The following IPCEF1 variants were observed in gnomAD, a reference collection of about 807,000 sequenced individuals.
The protein encoded by IPCEF1 is interaction protein for cytohesin exchange factors 1.
IPCEF1 carries 31 observed loss-of-function variants against 50.9 expected under a neutral mutation model. The observed-to-expected ratio is 0.61, with a 90% CI of 0.46 to 0.82. IPCEF1 has a LOEUF of 0.82. Among genes scored for constraint, IPCEF1 ranks in the 40% least tolerant of loss-of-function variants. The pLI, the probability that IPCEF1 is intolerant of heterozygous loss-of-function variation, is 0.00. For missense variants in IPCEF1, 458 were observed against 514.0 expected, an observed-to-expected ratio of 0.89 and a Z score of 1.05; for synonymous variants, 181 against 192.0, an observed-to-expected ratio of 0.94 and a Z score of 0.47.
intron 1 of IPCEF1, among the ~76,000 whole-genome samples, chr6:154,339,722 T>C (rs1050717594): frequency 6.6e-6 from 1 of 152,136 alleles, no homozygotes; most frequent in African/African-American, 2.4e-5. Context: ...CCCCAGTAGC[T>C]GGGACTACAA....
Position 154,199,826 on chromosome 6 carries a change from G to A in IPCEF1, c.752C>T (p.Ser251Leu), listed in dbSNP as rs1326320692. ...FAVQVHSPVPSEAGIHKALEN... is the reference protein window; with the variant it reads ...FAVQVHSPVPLEAGIHKALEN... The stretch of plus-strand genomic sequence containing the variant: ...CAGGGCCTTGTGGATGCCTGCCTCT[G>A]AGGGTACAGGTGAATGAACTTGCAC... Residue 251 changes from serine to leucine, a missense_variant, in exon 10 of 12, where the codon TCA becomes TTA. By Grantham distance (145) the Ser-to-Leu change is moderately radical. Transcript: ENST00000367220. The A allele has an allele frequency of 1.2e-6, 2 of 1,614,086 alleles. No individual in the cohort carries two copies. The highest frequency in any genetic ancestry group is 2.7e-5 in the African/African-American group (2 of 74,932).
intron 5 of IPCEF1, among the ~76,000 whole-genome samples, chr6:154,239,830 A>G (rs1457900261): frequency 6.6e-6 from 1 of 152,184 alleles, no homozygotes; most frequent in Non-Finnish European, 1.5e-5. Context: ...CAGTCTCCCA[A>G]GTAGGTGGGA....
rs545931179 is a variant in IPCEF1, at chr6:154,222,975, C to T, written c.320+195G>A. The T allele has an allele frequency of 5.5e-4, 328 of 600,312 alleles. 3 individuals carry two copies. The South Asian group carries it at 6.2e-3, about 11-fold the overall frequency. The allele number at this position is 600,312 out of a possible 1,614,324, so 37.2% of individuals were successfully genotyped here. On this transcript the variant is annotated intron_variant, in intron 6 of 11. Coordinates refer to ENST00000367220, the MANE Select transcript of IPCEF1 (RefSeq NM_001130700.2). ...GTGGGGGTTTTAAAATCCATCTGCTCCACAAAACGAAATTCCAGAAAATGA... is the reference window on the plus strand; with the variant it reads ...GTGGGGGTTTTAAAATCCATCTGCTTCACAAAACGAAATTCCAGAAAATGA...
At chr6:154,294,935 A>G (rs1782603406) in intron 1 of IPCEF1, among the ~76,000 whole-genome samples, 1 of 152,214 alleles carries the variant, frequency 6.6e-6, no homozygotes, top group Admixed American at 6.5e-5. Flanking sequence ...GTGGTAACTC[A>G]TGCCTGTAAT....
chr6:154,198,905 C>T (rs1027817349), intron 10 of IPCEF1, among the ~76,000 whole-genome samples: 4 of 152,182 alleles, frequency 2.6e-5, no homozygotes, highest in Non-Finnish European at 5.9e-5. Flanking sequence ...TCTTTCACTG[C>T]TCAGTATCTT....
intron 5 of IPCEF1, among the ~76,000 whole-genome samples, chr6:154,225,041 C>T (rs1779146976): frequency 6.6e-6 from 1 of 152,158 alleles, no homozygotes; most frequent in Non-Finnish European, 1.5e-5. Flanking sequence ...TTTAGATCTA[C>T]AGACTGAGTA....
At chr6:154,354,396 A>AACCACCATCTCC (rs1253436297) in intron 1 of IPCEF1, among the ~76,000 whole-genome samples, 1 of 19,438 alleles carries the variant, frequency 5.1e-5, no homozygotes, top group African/African-American at 4.8e-4. Context: ...CGTCACCTCC[A>AACCACCATCTCC]ACCACCATCT....
chr6:154,299,431 T>C (rs1247447807), intron 1 of IPCEF1, among the ~76,000 whole-genome samples: 5 of 141,834 alleles, frequency 3.5e-5, no homozygotes, highest in African/African-American at 1.3e-4. Flanking sequence ...CATGGAATAC[T>C]ACGCAGTCAT....
chr6:154,348,426 C>T (rs1784070540), intron 1 of IPCEF1, among the ~76,000 whole-genome samples: 1 of 152,134 alleles, frequency 6.6e-6, no homozygotes, highest in Non-Finnish European at 1.5e-5. Context: ...CTGAGTCTAA[C>T]CAAGAGGCAA....
rs143457582 is a variant in IPCEF1, at chr6:154,336,438, G to T, written c.-62+20234C>A. On this transcript the variant is annotated intron_variant, in intron 1 of 11. Coordinates refer to ENST00000367220, the MANE Select transcript of IPCEF1 (RefSeq NM_001130700.2). Reference sequence around the variant, plus strand: ...AGGCACAGAAAGACAAATATCACATGTTCTCACTCACATGTGGAAGCTAAA... The same window carrying T: ...AGGCACAGAAAGACAAATATCACATTTTCTCACTCACATGTGGAAGCTAAA... 1.9e-3 allele frequency among the ~76,000 whole-genome samples: 294 copies of T among 152,282 alleles called. 1 individual carries two copies. Among genetic ancestry groups the T allele is most frequent in the African/African-American group, 6.7e-3 (278 of 41,546 alleles).
intron 6 of IPCEF1, among the ~76,000 whole-genome samples, chr6:154,221,810 C>G (rs1211810971): frequency 6.6e-6 from 1 of 151,966 alleles, no homozygotes; most frequent in Non-Finnish European, 1.5e-5. Flanking sequence ...GGAGGCAGAG[C>G]TTGCAGTGAG....
chr6:154,197,266 AAC>A (rs1194034414), intron 10 of IPCEF1, among the ~76,000 whole-genome samples: 1 of 152,148 alleles, frequency 6.6e-6, no homozygotes, highest in East Asian at 1.9e-4. Flanking sequence ...GCAACACATA[AAC>A]ACACATGTAA....
intron 10 of IPCEF1, among the ~76,000 whole-genome samples, chr6:154,173,274 C>T (rs1800024993): frequency 6.6e-6 from 1 of 152,134 alleles, no homozygotes; most frequent in African/African-American, 2.4e-5. Flanking sequence ...TCCAAAGGAA[C>T]ACAACTCCTC....
chr6:154,322,373 A>AACACAC (rs3039689), intron 1 of IPCEF1, among the ~76,000 whole-genome samples: 4,601 of 123,802 alleles, frequency 0.037, 230 homozygotes, highest in African/African-American at 0.11. Context: ...AAAAATTTTA[A>AACACAC]ACACACACAC....
chr6:154,199,808 T>G lies in IPCEF1; in HGVS notation c.770A>C (p.Lys257Thr), dbSNP rs758152214. The change falls in exon 10 of 12, where the codon AAG becomes ACG. Residue 257 changes from lysine to threonine, a missense_variant. Physicochemically the swap from Lys to Thr is moderately conservative, Grantham distance 78 (BLOSUM62 -1). Transcript: ENST00000367220. The stretch of plus-strand genomic sequence containing the variant: ...TGTGACAAAACTGTTTTCCAGGGCC[T>G]TGTGGATGCCTGCCTCTGAGGGTAC... ...SPVPSEAGIH[K>T]ALENSFVTSE... is the part of the protein sequence containing the mutation. The G allele has an allele frequency of 6.2e-7, 1 of 1,614,198 alleles. No individual in the cohort carries two copies. The highest frequency in any genetic ancestry group is 1.1e-5 in the South Asian group (1 of 91,084).
chr6:154,245,120 C>T (rs1447752571), intron 5 of IPCEF1, among the ~76,000 whole-genome samples: 1 of 152,028 alleles, frequency 6.6e-6, no homozygotes, highest in Non-Finnish European at 1.5e-5. Flanking sequence ...CCCAGGTTGC[C>T]TCAATTTGGG....
chr6:154,200,374 A>G (rs1311789184), intron 9 of IPCEF1, among the ~76,000 whole-genome samples: 2 of 152,212 alleles, frequency 1.3e-5, no homozygotes, highest in East Asian at 1.9e-4. Flanking sequence ...TGAGCAAAAT[A>G]TAATTTGCAA....
intron 5 of IPCEF1, among the ~76,000 whole-genome samples, chr6:154,241,428 C>T (rs1489171877): frequency 6.6e-6 from 1 of 151,928 alleles, no homozygotes; most frequent in Non-Finnish European, 1.5e-5. Context: ...AACTAAAATA[C>T]ACCAAAAAAG....
At position 154,166,388 on chromosome 6, in the gene IPCEF1, C is replaced by T. The variant is rs368424940; in HGVS notation, c.1104+1532G>A. Among the ~76,000 whole-genome samples the T allele has an allele frequency of 2.6e-5, 4 of 152,338 alleles. No homozygotes were observed. The South Asian group carries it at 6.2e-4, about 24-fold the overall frequency. On this transcript the variant is annotated intron_variant, in intron 11 of 11. Coordinates refer to ENST00000367220, the MANE Select transcript of IPCEF1 (RefSeq NM_001130700.2). ...ACAGCCTTTCTCCTTCTACTAATGACTCAAACTGCACATGCTCTCCGCGGC... is the reference window on the plus strand; with the variant it reads ...ACAGCCTTTCTCCTTCTACTAATGATTCAAACTGCACATGCTCTCCGCGGC...
Sources: allele counts gnomAD v4.1 joint callset (sites outside exome capture counted in the v4.1 genomes callset), GRCh38; gene constraint gnomAD v4.1.1; transcripts MANE v1.5; gene names NCBI Gene and HGNC (gene_info 2026-07-23, HGNC 2026-07-21).